Variants in ACAP1 observed in about 807,000 individuals in gnomAD.
The protein encoded by ACAP1 is ArfGAP with coiled-coil, ankyrin repeat and PH domains 1.
Under a neutral mutation model 98.8 loss-of-function variants are expected in ACAP1, and 45 were observed. That is an observed-to-expected ratio of 0.46 (90% CI 0.36 to 0.58). ACAP1 has a LOEUF of 0.58. Ranked by LOEUF, ACAP1 falls within the 20% of genes least tolerant of loss-of-function variation. The pLI is 0.00. For missense variants in ACAP1, 735 were observed against 971.4 expected, an observed-to-expected ratio of 0.76 and a Z score of 3.24; for synonymous variants, 362 against 375.3, an observed-to-expected ratio of 0.96 and a Z score of 0.41.
At chr17:7,338,147 A>G (rs1028682049) in intron 2 of ACAP1, among the ~76,000 whole-genome samples, 2 of 152,156 alleles carry the variant, frequency 1.3e-5, no homozygotes, top group Non-Finnish European at 2.9e-5. Flanking sequence ...TTTGCTTGCT[A>G]TATATTAGTT....
At position 7,343,489 on chromosome 17, in the gene ACAP1, C is replaced by T. The variant is rs1340010928; in HGVS notation, c.455C>T (p.Ala152Val). Residue 152 changes from alanine to valine, a missense_variant, in exon 6 of 22, where the codon GCA becomes GTA. Around this residue, in one of 5 missense-constraint regions of ACAP1, gnomAD observed 430 missense variants for 531.8 expected, o/e 0.81. Transcript: ENST00000158762. The surrounding 1 kb of genome is among the most constrained non-coding windows in gnomAD (Gnocchi z 4.9). ...GTTCCCAGGCGCCGGGCCCAGGAGG[C>T]AGAAGAGGCAGGAGCTGCTTTGAGG... Reference protein sequence around the residue: ...AEVPRRRAQEAEEAGAALRTA... With the variant: ...AEVPRRRAQEVEEAGAALRTA... The T allele has an allele frequency of 6.8e-6, 11 of 1,613,956 alleles. No individual in the cohort carries two copies. Among genetic ancestry groups the T allele is most frequent in the Non-Finnish European group, 9.3e-6 (11 of 1,180,006 alleles).
Position 7,346,453 on chromosome 17 carries a change from A to T in ACAP1, c.969A>T (p.Ser323=). 6.2e-7 allele frequency: 1 copy of T among 1,613,232 alleles called. No individual in the cohort carries two copies. The highest frequency in any genetic ancestry group is 8.5e-7 in the Non-Finnish European group (1 of 1,179,568). Residue 323 remains serine (S), a synonymous_variant, in exon 12 of 22, where the codon TCA becomes TCT. Transcript: ENST00000158762. ...RLCTVKLCPD[S]ERRFCFEVVS... ...GCACAGTGAAACTCTGCCCTGACTCAGAAAGGCGGTTCTGCTTTGAGGTGG... is the reference window on the plus strand; with the variant it reads ...GCACAGTGAAACTCTGCCCTGACTCTGAAAGGCGGTTCTGCTTTGAGGTGG...
rs201358578 is a variant in ACAP1 at position 7,343,343 on chromosome 17, G to A, written c.345-36G>A. ...GAATGCTCTGCTGGGGCAGGTGGGT[G>A]TTAGCTGCGATTCTGTGTTATTTTC... On this transcript the variant is annotated intron_variant, in intron 5 of 21. Transcript: ENST00000158762. The surrounding 1 kb of genome is among the most constrained non-coding windows in gnomAD (Gnocchi z 4.9). 6.9e-6 allele frequency: 11 copies of A among 1,587,346 alleles called. No individual in the cohort carries two copies. Among genetic ancestry groups the A allele is most frequent in the Non-Finnish European group, 7.7e-6 (9 of 1,164,284 alleles).
Position 7,346,408 on chromosome 17 carries a change from G to A in ACAP1, c.924G>A (p.Val308=), listed in dbSNP as rs951604108. Residue 308 remains valine, a synonymous_variant, in exon 12 of 22, where the codon GTG becomes GTA. Coordinates refer to ENST00000158762, the MANE Select transcript of ACAP1 (RefSeq NM_014716.4). ...CCTGCCAGGACCCTGTGACTGTGGT[G>A]GTGGATGACCTTCGTCTCTGCACAG... ...QKKYKDPVTV[V]VDDLRLCTVK... 6.2e-7 allele frequency: 1 copy of A among 1,613,976 alleles called. No homozygotes were observed.
In ACAP1 at chr17:7,346,314, T is replaced by C. The variant is rs752215007; in HGVS notation, c.906+19T>C. On this transcript the variant is annotated intron_variant, in intron 11 of 21. Coordinates refer to ENST00000158762, the MANE Select transcript of ACAP1 (RefSeq NM_014716.4). ...GTACAAGGTGAGTGGACCTGGGTCC[T>C]GGATGCCTGGGCCCCAGGGAGACTC... is the stretch of plus-strand genomic sequence containing the variant. 23 of 1,613,986 alleles carry C rather than the reference T, an allele frequency of 1.4e-5. 1 individual carries two copies. In the South Asian group the frequency reaches 2.0e-4, roughly 14 times the overall value.
Position 7,346,262 on chromosome 17 carries a change from G to T in ACAP1, c.873G>T (p.Gln291His), listed in dbSNP as rs2073344829. The change falls in exon 11 of 22, where the codon CAG (glutamine) becomes CAT (histidine). Residue 291 changes from glutamine (Q) to histidine (H), a missense_variant. Coordinates refer to ENST00000158762, the MANE Select transcript of ACAP1 (RefSeq NM_014716.4). ...KTWSRRWFTI[Q>H]SNQLVYQKKY... ...CTTACAGACGCTGGTTCACCATTCA[G>T]AGCAACCAACTGGTTTACCAGAAGA... 1.9e-6 allele frequency: 3 copies of T among 1,614,072 alleles called. No homozygotes were observed. The African/African-American group carries it at 4.0e-5, about 22-fold the overall frequency.
In ACAP1 at chr17:7,343,956, G is replaced by A; in HGVS notation, c.669G>A (p.Gln223=). ...LSQYRKELGA[Q]LHQLVLNSAR... The stretch of plus-strand genomic sequence containing the variant: ...AGTATCGAAAGGAGCTGGGCGCCCA[G>A]GTGGGGCCCCAGGGCACAGCAGGTG... The change falls in exon 8 of 22, where the codon CAG becomes CAA. Residue 223 remains glutamine, a splice_region_variant and synonymous_variant. Coordinates refer to ENST00000158762, the MANE Select transcript of ACAP1 (RefSeq NM_014716.4). The surrounding 1 kb of genome is among the most constrained non-coding windows in gnomAD (Gnocchi z 4.9). 6.3e-7 allele frequency: 1 copy of A among 1,586,826 alleles called. No homozygotes were observed. The highest frequency in any genetic ancestry group is 8.6e-7 in the Non-Finnish European group (1 of 1,165,954).
chr17:7,351,390 C>G lies in ACAP1; in HGVS notation c.2218C>G (p.Leu740Val). Residue 740 changes from leucine to valine, a missense_variant, in exon 22 of 22, where the codon CTG (leucine) becomes GTG (valine). By Grantham distance (32) the Leu-to-Val change is conservative. Around this residue, in one of 5 missense-constraint regions of ACAP1, gnomAD observed 142 missense variants for 224.1 expected, o/e 0.63. Transcript: ENST00000158762. Reference protein sequence around the residue: ...LSRRSHDLHTL With the variant: ...LSRRSHDLHTV Reference sequence around the variant, plus strand: ...CCGTCGCAGTCATGACCTCCACACGCTGTGACCCGAGGCCCACGGGGCCCG... The same window carrying G: ...CCGTCGCAGTCATGACCTCCACACGGTGTGACCCGAGGCCCACGGGGCCCG... 1.2e-6 allele frequency: 2 copies of G among 1,611,148 alleles called. No homozygotes were observed. Among genetic ancestry groups the G allele is most frequent in the Non-Finnish European group, 1.7e-6 (2 of 1,178,600 alleles).
At chr17:7,341,731 T>C (rs946486168) in intron 2 of ACAP1, among the ~76,000 whole-genome samples, 2 of 152,122 alleles carry the variant, frequency 1.3e-5, no homozygotes, top group African/African-American at 4.8e-5. Flanking sequence ...GAATTGGGTT[T>C]CAGGCCCAAG....
Position 7,350,061 on chromosome 17 carries a change from A to G in ACAP1, c.1961+7A>G. 1 of 1,613,294 alleles carries G rather than the reference A, an allele frequency of 6.2e-7. No individual in the cohort carries two copies. Among genetic ancestry groups the G allele is most frequent in the Non-Finnish European group, 8.5e-7 (1 of 1,179,366 alleles). ...CCATTCTTGGCCACACGGGGTAGGG[A>G]TGATGGCATGGGGAGGAAGGCTGGG... is the stretch of plus-strand genomic sequence containing the variant. On this transcript the variant is annotated splice_region_variant and intron_variant, in intron 19 of 21. Transcript: ENST00000158762. The surrounding 1 kb of genome is among the most constrained non-coding windows in gnomAD (Gnocchi z 4.6).
Position 7,351,368 on chromosome 17 carries a change from T to C in ACAP1, c.2196T>C (p.Arg732=). 6.2e-7 allele frequency: 1 copy of C among 1,613,476 alleles called. No homozygotes were observed. The highest frequency in any genetic ancestry group is 1.1e-5 in the South Asian group (1 of 90,966). ...MASDDPEKLS[R]RSHDLHTL The stretch of plus-strand genomic sequence containing the variant: ...CAGACGACCCGGAGAAGCTGAGCCG[T>C]CGCAGTCATGACCTCCACACGCTGT... Residue 732 remains arginine (R), a synonymous_variant, in exon 22 of 22, where the codon CGT becomes CGC. Coordinates refer to ENST00000158762, the MANE Select transcript of ACAP1 (RefSeq NM_014716.4).
At chr17:7,342,747 G>GAA in intron 5 of ACAP1, 23 of 399,010 alleles carry the variant, frequency 5.8e-5, no homozygotes, top group East Asian at 1.4e-4. Flanking sequence ...TAAAAAATAC[G>GAA]AAAAAAAAAA....
Position 7,343,683 on chromosome 17 carries a change from TA to T in ACAP1, c.529-22del. On this transcript the variant is annotated intron_variant, in intron 6 of 21. Coordinates refer to ENST00000158762, the MANE Select transcript of ACAP1 (RefSeq NM_014716.4). This position sits in a 1 kb window ranked among gnomAD's most constrained non-coding sequence, Gnocchi z 4.9. ...TCTTCAAGACTGATCTGGGGTTTTTTACGTCCTCTTTTACGTCCTCAGATCA... is the reference window on the plus strand; with the variant it reads ...TCTTCAAGACTGATCTGGGGTTTTTTCGTCCTCTTTTACGTCCTCAGATCA... 4.3e-6 allele frequency: 7 copies of T among 1,611,840 alleles called. No homozygotes were observed. Among genetic ancestry groups the T allele is most frequent in the Non-Finnish European group, 5.9e-6 (7 of 1,178,588 alleles).
rs747095875 is a variant in ACAP1 at position 7,349,968 on chromosome 17, T to C, written c.1875T>C (p.Phe625=). ...AGAATTCTCTTCTGGCCTGTGAGTT[T>C]CTCCTCCAGAACGGGGCGAACGTGA... ...TAANSLLACE[F]LLQNGANVNQ... The change falls in exon 19 of 22, where the codon TTT becomes TTC. Residue 625 remains phenylalanine (F), a synonymous_variant. Coordinates refer to ENST00000158762, the MANE Select transcript of ACAP1 (RefSeq NM_014716.4). 4 of 1,612,136 alleles carry C rather than the reference T, an allele frequency of 2.5e-6. No homozygotes were observed. Among genetic ancestry groups the C allele is most frequent in the Non-Finnish European group, 2.5e-6 (3 of 1,178,790 alleles).
chr17:7,347,028 C>T lies in ACAP1; in HGVS notation c.1132-3C>T. On this transcript the variant is annotated splice_region_variant and splice_polypyrimidine_tract_variant and intron_variant, in intron 13 of 21. Coordinates refer to ENST00000158762, the MANE Select transcript of ACAP1 (RefSeq NM_014716.4). ...CCACCCTTTCTTCCCCTCTCTCCCC[C>T]AGGGCTCAGGACACCTGGCCATAGG... 2 of 1,577,722 alleles carry T rather than the reference C, an allele frequency of 1.3e-6. No individual in the cohort carries two copies. The highest frequency in any genetic ancestry group is 3.4e-4 in the Middle Eastern group (2 of 5,878).
At position 7,346,538 on chromosome 17, in the gene ACAP1, G is replaced by C. The variant is rs1268498617; in HGVS notation, c.1007+47G>C. Reference sequence around the variant, plus strand: ...GATACTCTAATATATCTAAACAACTGCCAATCTGAAAGGCAGGGCCCACCA... The same window carrying C: ...GATACTCTAATATATCTAAACAACTCCCAATCTGAAAGGCAGGGCCCACCA... On this transcript the variant is annotated intron_variant, in intron 12 of 21. Coordinates refer to ENST00000158762, the MANE Select transcript of ACAP1 (RefSeq NM_014716.4). 7 of 1,493,066 alleles carry C rather than the reference G, an allele frequency of 4.7e-6. No individual in the cohort carries two copies. The African/African-American group carries it at 8.4e-5, about 18-fold the overall frequency. 92.5% of individuals were successfully genotyped at this position (1,493,066 alleles called of 1,614,324 possible). A position where few individuals can be genotyped will look rare whatever the true frequency, so the allele number is the denominator to read the frequency against.
At chr17:7,337,420 T>C (rs1222895780) in intron 2 of ACAP1, 51 bp downstream of exon 2, 2 of 1,523,816 alleles carry the variant, frequency 1.3e-6, no homozygotes, top group Non-Finnish European at 1.8e-6. Flanking sequence ...TTGAGAGGGG[T>C]AGGGCCAGGG....
intron 2 of ACAP1, among the ~76,000 whole-genome samples, chr17:7,341,585 A>G (rs1017839726): frequency 1.3e-5 from 2 of 152,198 alleles, no homozygotes; most frequent in Admixed American, 6.5e-5. Flanking sequence ...CATCCAGACC[A>G]TGCAGGAATC....
rs759890204 is a variant in ACAP1 at position 7,346,836 on chromosome 17, C to T, written c.1036C>T (p.Arg346Cys). Residue 346 changes from arginine to cysteine, a missense_variant, in exon 13 of 22, where the codon CGC becomes TGC. This residue lies in a region of ACAP1 where 430 missense variants were observed against 531.8 expected (regional missense o/e 0.81). Transcript: ENST00000158762. ...KSCLLQADSE[R>C]LLQLWVSAVQ... ...CTGCCTCCTCCAGGCTGACTCAGAG[C>T]GCCTCCTGCAGCTGTGGGTCAGTGC... 2.2e-5 allele frequency: 35 copies of T among 1,613,142 alleles called. No homozygotes were observed. The highest frequency in any genetic ancestry group is 4.0e-5 in the African/African-American group (3 of 74,888).
Sources: allele counts gnomAD v4.1 joint callset (sites outside exome capture counted in the v4.1 genomes callset), GRCh38; gene constraint gnomAD v4.1.1; regional missense constraint gnomAD v4.1.1; non-coding constraint Gnocchi (gnomAD v3.1); transcripts MANE v1.5; gene names NCBI Gene and HGNC (gene_info 2026-07-23, HGNC 2026-07-21).